USP54: variants seen among roughly 807,000 people sequenced by gnomAD.
The protein encoded by USP54 is ubiquitin specific peptidase 54.
USP54 carries 87 observed loss-of-function variants against 170.5 expected under a neutral mutation model. That is an observed-to-expected ratio of 0.51 (90% CI 0.43 to 0.61). The LOEUF is 0.61. USP54 is among the 20% of genes least tolerant of loss of function. The probability of loss-of-function intolerance (pLI) is 0.00; values close to 1 mark genes in which losing one functional copy is unlikely to be tolerated. For missense variants in USP54, 1,786 were observed against 2,047.8 expected (o/e 0.87, Z 2.47); for synonymous variants, 655 against 742.8 (o/e 0.88, Z 1.92).
intron 4 of USP54, among the ~76,000 whole-genome samples, chr10:73,557,505 G>A (rs1381669718): frequency 7.9e-6 from 1 of 126,782 alleles, no homozygotes; most frequent in East Asian, 2.4e-4. Flanking sequence ...TTTTTTTTTT[G>A]AGACGGAGTC....
At chr10:73,547,494 T>C (rs1490352892) in intron 4 of USP54, among the ~76,000 whole-genome samples, 2 of 152,142 alleles carry the variant, frequency 1.3e-5, no homozygotes, top group African/African-American at 2.4e-5. Context: ...ACTACAAGAC[T>C]ACAGTAACCA....
chr10:73,502,560 G>A (rs1254061604), intron 22 of USP54, among the ~76,000 whole-genome samples: 8 of 152,074 alleles, frequency 5.3e-5, no homozygotes, highest in Admixed American at 2.6e-4. Context: ...TGATCTGCCC[G>A]CCTCAGCCTC....
At chr10:73,574,267 G>A (rs754459211) in intron 3 of USP54, among the ~76,000 whole-genome samples, 1 of 152,114 alleles carries the variant, frequency 6.6e-6, no homozygotes, top group Admixed American at 6.6e-5. Flanking sequence ...CTTTCCCCTA[G>A]CTCTGTTCAA....
chr10:73,558,685 C>T (rs2071905330), intron 4 of USP54, among the ~76,000 whole-genome samples: 3 of 152,040 alleles, frequency 2.0e-5, no homozygotes, highest in Admixed American at 2.0e-4. Flanking sequence ...AATAATTATG[C>T]TCCAAATAAA....
chr10:73,527,008 A>G (rs1047359149), intron 15 of USP54, among the ~76,000 whole-genome samples: 1 of 152,204 alleles, frequency 6.6e-6, no homozygotes, highest in Admixed American at 6.5e-5. Context: ...TACATATTCA[A>G]AATCTGTTGA....
chr10:73,597,609 C>G (rs370458958), intron 1 of USP54, among the ~76,000 whole-genome samples: 58 of 152,264 alleles, frequency 3.8e-4, no homozygotes, highest in African/African-American at 1.4e-3. Context: ...CCTTAAAAAC[C>G]CCAATCCTGG....
chr10:73,619,943 G>A (rs896368559), intron 1 of USP54, among the ~76,000 whole-genome samples: 2 of 150,508 alleles, frequency 1.3e-5, no homozygotes, highest in Admixed American at 6.6e-5. Flanking sequence ...ATGTGGTAGA[G>A]TACAAGGAAC....
At position 73,517,413 on chromosome 10, in the gene USP54, C is replaced by T; in HGVS notation, c.3013G>A (p.Asp1005Asn). ...PEGKLQGSRC[D>N]NSSCSKLPPQ... ...GGGAGCTTGCTGCAACTGCTGTTGT[C>T]ACACCTAGAGCCTTGCAGCTTACCC... Residue 1005 changes from aspartate to asparagine, a missense_variant, in exon 20 of 24, where the codon GAC becomes AAC. Physicochemically the swap from Asp to Asn is conservative, Grantham distance 23. This residue lies in a region of USP54 where 1,418 missense variants were observed against 1,569.0 expected (regional missense o/e 0.90). Coordinates refer to ENST00000687698, the MANE Select transcript of USP54 (RefSeq NM_001391956.1). The T allele has an allele frequency of 1.2e-6, 2 of 1,614,048 alleles. No individual in the cohort carries two copies. The highest frequency in any genetic ancestry group is 2.2e-5 in the South Asian group (2 of 91,072).
Position 73,500,808 on chromosome 10 carries a change from T to G in USP54, c.4342A>C (p.Thr1448Pro), listed in dbSNP as rs1037855917. 2 of 1,599,302 alleles carry G rather than the reference T, an allele frequency of 1.3e-6. No homozygotes were observed. Among genetic ancestry groups the G allele is most frequent in the East Asian group, 4.6e-5 (2 of 43,732 alleles). ...DSSNVRKPLE[T>P]GHRCSSSSSL... ...GAGGAGCTGGAACAACGGTGCCCGG[T>G]TTCCAAAGGCTTCCTCACGTTTGAT... Residue 1448 changes from threonine to proline, a missense_variant, in exon 23 of 24, where the codon ACC (threonine) becomes CCC (proline). Coordinates refer to ENST00000687698, the MANE Select transcript of USP54 (RefSeq NM_001391956.1).
At chr10:73,611,266 G>A (rs2080117670) in intron 1 of USP54, among the ~76,000 whole-genome samples, 1 of 152,106 alleles carries the variant, frequency 6.6e-6, no homozygotes, top group Non-Finnish European at 1.5e-5. Flanking sequence ...AGAAAAGTGA[G>A]CCTTAAAGTG....
intron 1 of USP54, among the ~76,000 whole-genome samples, chr10:73,612,312 T>G (rs1002627573): frequency 1.3e-5 from 2 of 152,038 alleles, no homozygotes; most frequent in Non-Finnish European, 2.9e-5. Context: ...ATACCAGAAT[T>G]TTATAGTCAA....
At chr10:73,582,285 T>C (rs1028425888) in intron 1 of USP54, among the ~76,000 whole-genome samples, 2 of 152,116 alleles carry the variant, frequency 1.3e-5, no homozygotes, top group African/African-American at 2.4e-5. Flanking sequence ...AGAGCTAGAA[T>C]GGAACTGAAA....
intron 1 of USP54, among the ~76,000 whole-genome samples, chr10:73,579,017 T>C (rs1486001377): frequency 1.3e-5 from 2 of 150,318 alleles, no homozygotes; most frequent in East Asian, 2.0e-4. Flanking sequence ...CTCAGCTCAC[T>C]GTAACCTCCA....
At chr10:73,593,644 G>C (rs1410165843), upstream of USP54, among the ~76,000 whole-genome samples, 1 of 152,036 alleles carries the variant, frequency 6.6e-6, no homozygotes, top group East Asian at 1.9e-4. Context: ...GTCCACCTTA[G>C]ACCAGAATAG....
intron 4 of USP54, among the ~76,000 whole-genome samples, chr10:73,567,061 T>A (rs1441610250): frequency 6.6e-6 from 1 of 151,770 alleles, no homozygotes; most frequent in Non-Finnish European, 1.5e-5. Flanking sequence ...GTATTTTTAG[T>A]AGAGATAGGG....
At chr10:73,545,970 T>C (rs909390998) in intron 4 of USP54, among the ~76,000 whole-genome samples, 1 of 152,184 alleles carries the variant, frequency 6.6e-6, no homozygotes, top group African/African-American at 2.4e-5. Context: ...CTTCCTCTAA[T>C]ACAGACAGAA....
At chr10:73,572,565 G>A (rs2075390352) in intron 3 of USP54, among the ~76,000 whole-genome samples, 1 of 152,122 alleles carries the variant, frequency 6.6e-6, no homozygotes, top group Non-Finnish European at 1.5e-5. Flanking sequence ...AAAGTTCTTT[G>A]AAACTGGCTA....
At chr10:73,612,035 C>G (rs1002701136) in intron 1 of USP54, among the ~76,000 whole-genome samples, 1 of 152,024 alleles carries the variant, frequency 6.6e-6, no homozygotes, top group Non-Finnish European at 1.5e-5. Context: ...CACCTGAGCC[C>G]AGGGAGGTTG....
intron 19 of USP54, among the ~76,000 whole-genome samples, chr10:73,517,955 G>A (rs1288748830): frequency 3.3e-5 from 5 of 152,168 alleles, no homozygotes; most frequent in Non-Finnish European, 5.9e-5. Flanking sequence ...AATAGGTAAC[G>A]TTAATCCTCT....
Sources: allele counts gnomAD v4.1 joint callset (sites outside exome capture counted in the v4.1 genomes callset), GRCh38; gene constraint gnomAD v4.1.1; regional missense constraint gnomAD v4.1.1; transcripts MANE v1.5; gene names NCBI Gene and HGNC (gene_info 2026-07-23, HGNC 2026-07-21).